RPF2: variants seen among roughly 807,000 people sequenced by gnomAD.
The protein encoded by RPF2 is ribosome production factor 2 homolog.
RPF2 carries 21 observed loss-of-function variants against 38.9 expected under a neutral mutation model. The ratio of observed to expected loss-of-function variants is 0.54; its 90% CI spans 0.38 to 0.78. The LOEUF (loss-of-function observed/expected upper bound fraction) is 0.78. Among genes scored for constraint, RPF2 ranks in the 30% least tolerant of loss-of-function variants. The pLI, the probability that RPF2 is intolerant of heterozygous loss-of-function variation, is 0.00. For missense variants in RPF2, 314 were observed against 358.1 expected (o/e 0.88, Z 0.99); for synonymous variants, 121 against 126.2 (o/e 0.96, Z 0.28).
Position 111,025,713 on chromosome 6 carries a change from T to TC in RPF2, c.*131_*132insC. On this transcript the variant is annotated 3_prime_UTR_variant, in exon 10 of 10. Transcript: ENST00000441448. Reference sequence around the variant, plus strand: ...ACATGATAATTTTACGATATATTATTATGAACAGTAATATACTAGTATTAA... The same window carrying TC: ...ACATGATAATTTTACGATATATTATTCATGAACAGTAATATACTAGTATTAA... The TC allele has an allele frequency of 7.4e-6, 5 of 677,208 alleles. No homozygotes were observed. The highest frequency in any genetic ancestry group is 2.4e-5 in the South Asian group (1 of 41,582). The allele number at this position is 677,208 out of a possible 1,614,324, so 41.9% of individuals were successfully genotyped here. A position where few individuals can be genotyped will look rare whatever the true frequency, so the allele number is the denominator to read the frequency against.
At chr6:110,984,328 A>G (rs1190463051) in intron 1 of RPF2, among the ~76,000 whole-genome samples, 1 of 152,208 alleles carries the variant, frequency 6.6e-6, no homozygotes, top group Non-Finnish European at 1.5e-5. Flanking sequence ...CAGTTTGACT[A>G]CTTAAAGTTT....
chr6:111,011,686 C>G (rs1296449017), intron 7 of RPF2, among the ~76,000 whole-genome samples: 2 of 152,092 alleles, frequency 1.3e-5, no homozygotes, highest in East Asian at 3.8e-4. Flanking sequence ...TTTCTCTTTC[C>G]CCTAGGTCTC....
At chr6:110,995,708 G>A (rs1052585040) in intron 4 of RPF2, among the ~76,000 whole-genome samples, 8 of 152,178 alleles carry the variant, frequency 5.3e-5, no homozygotes, top group Non-Finnish European at 1.5e-5. Flanking sequence ...CAGGCATAAT[G>A]TAAAAAGAGC....
chr6:111,016,366 GCAGAT>G (rs913322347), intron 8 of RPF2, among the ~76,000 whole-genome samples: 1 of 152,132 alleles, frequency 6.6e-6, no homozygotes. Context: ...GCTGAGGCAG[GCAGAT>G]CACTTGAGGC....
chr6:110,991,357 C>T (rs1771616621), intron 3 of RPF2, among the ~76,000 whole-genome samples: 1 of 147,790 alleles, frequency 6.8e-6, no homozygotes, highest in Non-Finnish European at 1.5e-5. Context: ...GTGGCACGAT[C>T]ATATTTCACT....
intron 8 of RPF2, among the ~76,000 whole-genome samples, chr6:111,017,618 C>T (rs1204945601): frequency 8.4e-4 from 122 of 145,538 alleles, no homozygotes; most frequent in Middle Eastern, 4.0e-3. Context: ...CCAGACGGGG[C>T]GGCAGGGCAG....
At chr6:111,010,594 C>T (rs1232948380) in intron 7 of RPF2, among the ~76,000 whole-genome samples, 1 of 152,208 alleles carries the variant, frequency 6.6e-6, no homozygotes, top group African/African-American at 2.4e-5. Flanking sequence ...ATCTGATGCT[C>T]AGTGGCCTTG....
chr6:110,993,613 G>C (rs943474285), intron 4 of RPF2, among the ~76,000 whole-genome samples: 3 of 152,162 alleles, frequency 2.0e-5, no homozygotes, highest in Non-Finnish European at 4.4e-5. Flanking sequence ...CTTTGTGGCA[G>C]TGTTACATAG....
At chr6:111,017,659 G>T (rs1390672827) in intron 8 of RPF2, among the ~76,000 whole-genome samples, 1 of 146,968 alleles carries the variant, frequency 6.8e-6, no homozygotes, top group Non-Finnish European at 1.5e-5. Context: ...ACGATGGGCG[G>T]CCGGGCAGAG....
intron 9 of RPF2, among the ~76,000 whole-genome samples, chr6:111,025,019 T>C (rs1772298898): frequency 6.6e-6 from 1 of 152,244 alleles, no homozygotes; most frequent in African/African-American, 2.4e-5. Flanking sequence ...AGAAGAAATG[T>C]AATCTCTAAA....
intron 6 of RPF2, among the ~76,000 whole-genome samples, chr6:111,000,764 A>G (rs566661014): frequency 2.6e-5 from 4 of 152,052 alleles, no homozygotes; most frequent in African/African-American, 7.2e-5. Flanking sequence ...TCTTTTTTGT[A>G]TAGATTGGGA....
chr6:111,019,455 T>C (rs6917328), intron 8 of RPF2, among the ~76,000 whole-genome samples: 24,638 of 151,254 alleles, frequency 0.16, 2,515 homozygotes, highest in East Asian at 0.53. Context: ...CAAAACAAAA[T>C]TAAACTTATG....
At chr6:110,989,141 G>T in intron 3 of RPF2, 76 bp downstream of exon 3, 15 of 1,341,340 alleles carry the variant, frequency 1.1e-5, no homozygotes, top group Admixed American at 3.6e-5. Flanking sequence ...TGGAAGATTT[G>T]GAAAACAAAA....
chr6:111,017,055 C>G (rs1772128486), intron 8 of RPF2, among the ~76,000 whole-genome samples: 1 of 152,200 alleles, frequency 6.6e-6, no homozygotes, highest in African/African-American at 2.4e-5. Context: ...TAGTATAGAA[C>G]AAAATGGAGT....
chr6:111,013,368 C>T (rs1397107777), intron 7 of RPF2, among the ~76,000 whole-genome samples: 4 of 152,102 alleles, frequency 2.6e-5, no homozygotes, highest in South Asian at 4.1e-4. Flanking sequence ...ATTTGCTTTC[C>T]GGTTACTAAG....
At chr6:111,003,591 C>T (rs1317692563) in intron 6 of RPF2, among the ~76,000 whole-genome samples, 1 of 152,092 alleles carries the variant, frequency 6.6e-6, no homozygotes, top group Non-Finnish European at 1.5e-5. Flanking sequence ...GATGGCCATA[C>T]GTCAAAGGAT....
chr6:110,996,845 A>G (rs1364609534), intron 4 of RPF2, among the ~76,000 whole-genome samples: 1 of 152,028 alleles, frequency 6.6e-6, no homozygotes, highest in South Asian at 2.1e-4. Context: ...TCTGTTCCCC[A>G]GGTTGGAGTG....
intron 3 of RPF2, among the ~76,000 whole-genome samples, chr6:110,990,317 A>G (rs1213481570): frequency 1.3e-5 from 2 of 152,058 alleles, no homozygotes; most frequent in Non-Finnish European, 2.9e-5. Flanking sequence ...GTCTTCTCCA[A>G]TTTGTGACAG....
At chr6:111,011,308 CT>C (rs113226329) in intron 7 of RPF2, among the ~76,000 whole-genome samples, 50 of 88,224 alleles carry the variant, frequency 5.7e-4, no homozygotes, top group Middle Eastern at 5.6e-3. Flanking sequence ...TTCTTTCTTT[CT>C]TTTTTTTTTT....
Sources: gnomAD v4.1 joint callset for allele counts (sites outside exome capture counted in the v4.1 genomes callset) on GRCh38, gnomAD v4.1.1 for gene constraint, MANE v1.5 for transcripts, NCBI Gene and HGNC (gene_info 2026-07-23, HGNC 2026-07-21) for gene names.